IRGM: variants seen among roughly 807,000 people sequenced by gnomAD.
The protein encoded by IRGM is immunity-related GTPase family M protein.
For missense variants in IRGM, 288 were observed against 219.9 expected, an observed-to-expected ratio of 1.31 and a Z score of -1.96; for synonymous variants, 98 against 80.6, an observed-to-expected ratio of 1.22 and a Z score of -1.16.
chr5:150,902,213 G>C (rs1430781545), downstream of IRGM, among the ~76,000 whole-genome samples: 3 of 152,122 alleles, frequency 2.0e-5, no homozygotes, highest in Admixed American at 2.0e-4. Context: ...AAAAATGGGA[G>C]AGCAAAGAAG....
At chr5:150,897,885 C>T (rs887135107) in intron 3 of IRGM, 8 of 663,256 alleles carry the variant, frequency 1.2e-5, no homozygotes, top group Admixed American at 3.4e-5. Context: ...TATATATATA[C>T]ACACAAGAGA....
At chr5:150,860,344 T>C (rs1164150484) in intron 1 of IRGM, among the ~76,000 whole-genome samples, 2 of 152,206 alleles carry the variant, frequency 1.3e-5, no homozygotes, top group Non-Finnish European at 2.9e-5. Flanking sequence ...AAGCCTCATA[T>C]AAAAATAGTC....
chr5:150,895,583 A>C (rs1471990100), intron 3 of IRGM: 1 of 1,613,392 alleles, frequency 6.2e-7, no homozygotes, highest in Non-Finnish European at 8.5e-7. Context: ...TTCCACATTC[A>C]GCACATATGT....
rs926069850 is a variant in IRGM, at chr5:150,848,546, C to T, written c.423C>T (p.Phe141=). 6.4e-7 allele frequency: 1 copy of T among 1,551,700 alleles called. No individual in the cohort carries two copies. The highest frequency in any genetic ancestry group is 1.4e-5 in the African/African-American group (1 of 73,042). Residue 141 remains phenylalanine, a synonymous_variant, in exon 2 of 2, where the codon TTC becomes TTT. Transcript: ENST00000522154. ...AKTAEDMGKK[F]YIVWTKLDMD... Reference sequence around the variant, plus strand: ...CCGCTGAGGACATGGGAAAGAAGTTCTACATTGTCTGGACCAAGCTAGACA... The same window carrying T: ...CCGCTGAGGACATGGGAAAGAAGTTTTACATTGTCTGGACCAAGCTAGACA...
chr5:150,871,550 C>T, intron 1 of IRGM, among the ~76,000 whole-genome samples: 1 of 152,174 alleles, frequency 6.6e-6, no homozygotes, highest in East Asian at 1.9e-4. Context: ...TTTATAACAG[C>T]CTGGGTGGGG....
chr5:150,898,176 C>A (rs371107991), intron 3 of IRGM: 1 of 1,613,092 alleles, frequency 6.2e-7, no homozygotes, highest in Non-Finnish European at 8.5e-7. Context: ...GGTTTGGAAA[C>A]TGGATACCCT....
At chr5:150,898,558 T>TAATA in intron 3 of IRGM, 1 of 1,591,442 alleles carries the variant, frequency 6.3e-7, no homozygotes, top group Non-Finnish European at 8.6e-7. Context: ...CTAACCCCTG[T>TAATA]AATAGTAAAT....
In IRGM at chr5:150,880,155, GTTTA is replaced by G. The variant is rs1002814934; in HGVS notation, c.*140+514_*140+517del. On this transcript the variant is annotated intron_variant and NMD_transcript_variant, in intron 3 of 3. Transcript: ENST00000520549. ...CTTCACTGTCATTATTTGTATAATTGTTTATTTAAGCTTAGAACATTCAGTCAAT... is the reference window on the plus strand; with the variant it reads ...CTTCACTGTCATTATTTGTATAATTGTTTAAGCTTAGAACATTCAGTCAAT... Among the ~76,000 whole-genome samples the G allele has an allele frequency of 4.6e-4, 70 of 152,250 alleles. 2 individuals carry two copies. The highest frequency in any genetic ancestry group is 1.2e-4 in the Non-Finnish European group (8 of 68,008).
At chr5:150,878,449 C>A (rs1246381542) in intron 2 of IRGM, among the ~76,000 whole-genome samples, 2 of 152,016 alleles carry the variant, frequency 1.3e-5, no homozygotes, top group Admixed American at 1.3e-4. Context: ...CTTCCTCTAC[C>A]TCTTCCTTCC....
At chr5:150,879,144 T>C (rs1754408930) in intron 2 of IRGM, among the ~76,000 whole-genome samples, 1 of 152,112 alleles carries the variant, frequency 6.6e-6, no homozygotes, top group African/African-American at 2.4e-5. Context: ...TGGATGTCAG[T>C]GTTAGATGCA....
chr5:150,896,353 G>T, intron 3 of IRGM: 1 of 1,613,566 alleles, frequency 6.2e-7, no homozygotes. Context: ...CAATCATATG[G>T]TTTCTTTCCA....
chr5:150,856,340 A>G (rs1204299219), intron 1 of IRGM, among the ~76,000 whole-genome samples: 2 of 152,156 alleles, frequency 1.3e-5, no homozygotes, highest in African/African-American at 2.4e-5. Context: ...CTGAGGCAGG[A>G]GGATTGCTTG....
At chr5:150,895,953 CTTTTATGT>C in intron 3 of IRGM, 1 of 1,613,482 alleles carries the variant, frequency 6.2e-7, no homozygotes, top group Non-Finnish European at 8.5e-7. Context: ...AGTGTGAATT[CTTTTATGT>C]ATAATGAGGT....
chr5:150,848,628 G>A lies in IRGM; in HGVS notation c.505G>A (p.Val169Ile). ...GCAGCTACTGCAGATCAGAGAAAAT[G>A]TCCTGGAAAATCTCCAGAAGGAGCG... is the stretch of plus-strand genomic sequence containing the variant. ...EVQLLQIREN[V>I]LENLQKERVC... The change falls in exon 2 of 2, where the codon GTC (valine) becomes ATC (isoleucine). Residue 169 changes from valine (V) to isoleucine (I), a missense_variant. Val to Ile is a conservative substitution (Grantham distance 29). Transcript: ENST00000522154. The A allele has an allele frequency of 6.5e-7, 1 of 1,545,552 alleles. No homozygotes were observed. Among genetic ancestry groups the A allele is most frequent in the Admixed American group, 2.0e-5 (1 of 50,644 alleles).
intron 3 of IRGM, among the ~76,000 whole-genome samples, chr5:150,879,819 T>A (rs1426596182): frequency 1.3e-5 from 2 of 152,222 alleles, no homozygotes; most frequent in Non-Finnish European, 2.9e-5. Flanking sequence ...AAGGGTACAC[T>A]TACTTCTTAG....
chr5:150,894,273 C>G (rs1033459787), intron 3 of IRGM: 1 of 152,020 alleles, frequency 6.6e-6, no homozygotes, highest in Non-Finnish European at 1.5e-5. Context: ...TTAGAGGCCT[C>G]CAGTTCTCAA....
intron 3 of IRGM, among the ~76,000 whole-genome samples, chr5:150,899,508 G>A (rs1043550762): frequency 5.3e-5 from 8 of 151,934 alleles, no homozygotes; most frequent in African/African-American, 1.7e-4. Flanking sequence ...ATAGGAAAAT[G>A]ATCTTAGCTT....
chr5:150,891,387 C>G (rs1347277536), intron 3 of IRGM, among the ~76,000 whole-genome samples: 1 of 152,048 alleles, frequency 6.6e-6, no homozygotes, highest in African/African-American at 2.4e-5. Context: ...ATGACAATCT[C>G]TTCCCCTAAT....
At chr5:150,877,333 C>T (rs769497243) in intron 1 of IRGM, among the ~76,000 whole-genome samples, 63 of 152,252 alleles carry the variant, frequency 4.1e-4, no homozygotes, top group Non-Finnish European at 7.5e-4. Flanking sequence ...GCCAGTGAGG[C>T]CAGTATTAAA....
Sources: gnomAD v4.1 joint callset for allele counts (sites outside exome capture counted in the v4.1 genomes callset) on GRCh38, gnomAD v4.1.1 for gene constraint, MANE v1.5 for transcripts, NCBI Gene and HGNC (gene_info 2026-07-23, HGNC 2026-07-21) for gene names.